The following CWF19L2 variants were observed in gnomAD, a reference collection of about 807,000 sequenced individuals.
CWF19L2 encodes CWF19 like cell cycle control factor 2, also known as CWF19-like protein 2.
A neutral mutation model predicts 111.7 loss-of-function variants in CWF19L2; 98 were observed. The observed-to-expected ratio is 0.88, with a 90% CI of 0.75 to 1.04. The LOEUF (loss-of-function observed/expected upper bound fraction) is 1.04, where lower values mean the gene tolerates loss of function less well. Ranked by LOEUF, CWF19L2 falls within the 50% of genes least tolerant of loss-of-function variation. CWF19L2 has a pLI of 0.00. For synonymous variants in CWF19L2, 351 were observed against 342.9 expected (o/e 1.02, Z -0.26); for missense variants, 1,101 against 1,051.4 (o/e 1.05, Z -0.65).
At chr11:107,423,927 C>CA (rs11291378) in intron 8 of CWF19L2, among the ~76,000 whole-genome samples, 34 of 147,530 alleles carry the variant, frequency 2.3e-4, no homozygotes, top group Middle Eastern at 3.4e-3. Flanking sequence ...TATATATGAG[C>CA]AAAAAAAAAA....
intron 3 of CWF19L2, among the ~76,000 whole-genome samples, 158 bp downstream of exon 3, chr11:107,454,292 T>C (rs1861821324): frequency 1.3e-5 from 2 of 152,266 alleles, no homozygotes; most frequent in Non-Finnish European, 2.9e-5. Context: ...ATTTCCAATA[T>C]TTTCTGGACA....
At chr11:107,395,303 T>C (rs1860906712) in intron 10 of CWF19L2, among the ~76,000 whole-genome samples, 1 of 152,212 alleles carries the variant, frequency 6.6e-6, no homozygotes, top group African/African-American at 2.4e-5. Flanking sequence ...GCCATGACTG[T>C]GAGGCCTCCC....
chr11:107,336,785 T>G (rs1859931903), intron 14 of CWF19L2, 72 bp from the exon 15 acceptor site: 5 of 816,398 alleles, frequency 6.1e-6, no homozygotes, highest in Non-Finnish European at 9.2e-6. Context: ...TCAAGATATT[T>G]GAAATATGAA....
intron 3 of CWF19L2, among the ~76,000 whole-genome samples, chr11:107,451,936 T>A (rs539601496): frequency 6.6e-6 from 1 of 152,290 alleles, no homozygotes; most frequent in South Asian, 2.1e-4. Context: ...TTCCTTAATC[T>A]GAAAAGGCAT....
chr11:107,396,492 G>C (rs763883190), intron 10 of CWF19L2, among the ~76,000 whole-genome samples: 1 of 152,124 alleles, frequency 6.6e-6, no homozygotes, highest in South Asian at 2.1e-4. Flanking sequence ...TATTTTAAAG[G>C]AAGAAAGGAG....
intron 7 of CWF19L2, among the ~76,000 whole-genome samples, chr11:107,431,235 T>G (rs1861461618): frequency 6.6e-6 from 1 of 151,838 alleles, no homozygotes; most frequent in South Asian, 2.1e-4. Flanking sequence ...AATAATTATT[T>G]GCATATAACT....
Position 107,347,160 on chromosome 11 carries a change from T to C in CWF19L2, c.2202+1777A>G, listed in dbSNP as rs180910928. On this transcript the variant is annotated intron_variant, in intron 14 of 17. Transcript: ENST00000282251. ...ACAAAACCAGCAATTTGGATCTTAT[T>C]TGAAATCTGTGATTACTCAAGTATG... Among the ~76,000 whole-genome samples, 4 of 152,320 alleles carry C rather than the reference T, an allele frequency of 2.6e-5. No individual in the cohort carries two copies. In the East Asian group the frequency reaches 7.7e-4, roughly 29 times the overall value.
At chr11:107,387,057 A>G (rs1483054346) in intron 12 of CWF19L2, among the ~76,000 whole-genome samples, 10 of 152,078 alleles carry the variant, frequency 6.6e-5, no homozygotes, top group Non-Finnish European at 2.9e-5. Flanking sequence ...CGTCTCAAAA[A>G]AAAAAAAAGG....
chr11:107,327,998 G>C (rs1013481596), intron 17 of CWF19L2, among the ~76,000 whole-genome samples: 2 of 152,084 alleles, frequency 1.3e-5, no homozygotes, highest in African/African-American at 4.8e-5. Flanking sequence ...GGGATACAGA[G>C]ATTGTGGGGT....
intron 10 of CWF19L2, among the ~76,000 whole-genome samples, chr11:107,408,325 C>G (rs1051000570): frequency 6.1e-4 from 92 of 151,810 alleles, no homozygotes; most frequent in African/African-American, 2.0e-3. Flanking sequence ...CAAAGAAAGA[C>G]TGTAAAGGCA....
intron 3 of CWF19L2, among the ~76,000 whole-genome samples, chr11:107,450,791 C>A (rs959943305): frequency 1.3e-5 from 2 of 152,058 alleles, no homozygotes; most frequent in African/African-American, 4.8e-5. Context: ...ACGAAAACTT[C>A]GTAACAACAG....
chr11:107,333,967 A>G (rs184619017), intron 16 of CWF19L2, among the ~76,000 whole-genome samples: 160 of 152,324 alleles, frequency 1.1e-3, no homozygotes, highest in African/African-American at 3.6e-3. Context: ...TGTACCATGA[A>G]AGCAGCCATA....
chr11:107,349,531 G>C (rs1860128588), intron 13 of CWF19L2, among the ~76,000 whole-genome samples: 1 of 152,004 alleles, frequency 6.6e-6, no homozygotes, highest in Non-Finnish European at 1.5e-5. Flanking sequence ...AAGACGAAGA[G>C]GAAATGACCT....
At chr11:107,438,019 G>C (rs545142393) in intron 6 of CWF19L2, among the ~76,000 whole-genome samples, 22 of 152,050 alleles carry the variant, frequency 1.4e-4, no homozygotes, top group African/African-American at 5.3e-4. Context: ...GAAAAAAAAA[G>C]AAACTGTTAA....
intron 10 of CWF19L2, chr11:107,404,655 A>G: frequency 2.1e-6 from 1 of 465,448 alleles, no homozygotes; most frequent in South Asian, 1.9e-5. Flanking sequence ...ACAGATACTT[A>G]AAACTTAACT....
intron 3 of CWF19L2, among the ~76,000 whole-genome samples, 178 bp downstream of exon 3, chr11:107,454,272 C>A (rs1284030460): frequency 1.3e-5 from 2 of 152,216 alleles, no homozygotes; most frequent in Non-Finnish European, 2.9e-5. Context: ...CTCTGAAATT[C>A]AAGATCAACA....
At chr11:107,407,839 A>G (rs1025902061) in intron 10 of CWF19L2, among the ~76,000 whole-genome samples, 2 of 152,046 alleles carry the variant, frequency 1.3e-5, no homozygotes, top group South Asian at 2.1e-4. Flanking sequence ...TCATAACACA[A>G]TAAAAAAAAT....
Position 107,454,409 on chromosome 11 carries a change from T to G in CWF19L2, c.339+41A>C, listed in dbSNP as rs959265520. On this transcript the variant is annotated intron_variant, in intron 3 of 17. Coordinates refer to ENST00000282251, the MANE Select transcript of CWF19L2 (RefSeq NM_152434.3). ...ATAAGTTACACATTCAAATAAAATGTTCTCAAATAGCTGCTTTGATTAATT... is the reference window on the plus strand; with the variant it reads ...ATAAGTTACACATTCAAATAAAATGGTCTCAAATAGCTGCTTTGATTAATT... The G allele has an allele frequency of 3.9e-6, 5 of 1,272,310 alleles. No homozygotes were observed. The East Asian group carries it at 9.2e-5, about 23-fold the overall frequency. The allele number at this position is 1,272,310 out of a possible 1,614,324, so 78.8% of individuals were successfully genotyped here.
chr11:107,345,671 A>G (rs1275090632), intron 14 of CWF19L2, among the ~76,000 whole-genome samples: 4 of 152,088 alleles, frequency 2.6e-5, no homozygotes, highest in Non-Finnish European at 5.9e-5. Flanking sequence ...CCCTCTCTCT[A>G]TACACACACA....
Sources: gnomAD v4.1 joint callset for allele counts (sites outside exome capture counted in the v4.1 genomes callset) on GRCh38, gnomAD v4.1.1 for gene constraint, MANE v1.5 for transcripts, NCBI Gene and HGNC (gene_info 2026-07-23, HGNC 2026-07-21) for gene names.